DAPP1: variants seen among roughly 807,000 people sequenced by gnomAD.
The protein encoded by DAPP1 is dual adaptor of phosphotyrosine and 3-phosphoinositides 1, also known as dual adapter for phosphotyrosine and 3-phosphotyrosine and 3-phosphoinositide.
A neutral mutation model predicts 41.5 loss-of-function variants in DAPP1; 20 were observed. That is an observed-to-expected ratio of 0.48 (90% CI 0.34 to 0.70). The LOEUF (loss-of-function observed/expected upper bound fraction) is 0.70, where lower values mean the gene tolerates loss of function less well. Among genes scored for constraint, DAPP1 ranks in the 30% least tolerant of loss-of-function variants. DAPP1 has a pLI of 0.01. For missense variants in DAPP1, 233 were observed against 333.4 expected, an observed-to-expected ratio of 0.70 and a Z score of 2.35; for synonymous variants, 113 against 116.2, an observed-to-expected ratio of 0.97 and a Z score of 0.18.
At chr4:99,861,073 G>C (rs904863997) in intron 4 of DAPP1, among the ~76,000 whole-genome samples, 7 of 152,056 alleles carry the variant, frequency 4.6e-5, no homozygotes, top group Non-Finnish European at 8.8e-5. Context: ...TGTGGGGGTG[G>C]GGAGGAGGAT....
At position 99,853,352 on chromosome 4, in the gene DAPP1, A is replaced by C; in HGVS notation, c.489+4A>C. Reference sequence around the variant, plus strand: ...CCTTGTGCCCACAGCACCTTCTGTAAGTGACCTTCAACGTGACCACAAGCT... The same window carrying C: ...CCTTGTGCCCACAGCACCTTCTGTACGTGACCTTCAACGTGACCACAAGCT... On this transcript the variant is annotated splice_donor_region_variant and intron_variant, in intron 4 of 8. Transcript: ENST00000512369. 6.2e-7 allele frequency: 1 copy of C among 1,605,034 alleles called. No individual in the cohort carries two copies. The highest frequency in any genetic ancestry group is 8.5e-7 in the Non-Finnish European group (1 of 1,175,298).
At chr4:99,853,373 A>G in intron 4 of DAPP1, 25 bp downstream of exon 4, 1 of 1,593,548 alleles carries the variant, frequency 6.3e-7, no homozygotes, top group Non-Finnish European at 8.6e-7. Context: ...ACGTGACCAC[A>G]AGCTCTCTCC....
At chr4:99,857,185 CT>C (rs1191051457) in intron 4 of DAPP1, among the ~76,000 whole-genome samples, 1 of 151,992 alleles carries the variant, frequency 6.6e-6, no homozygotes, top group African/African-American at 2.4e-5. Context: ...AATTCTTTAC[CT>C]TCTGAGCTTG....
intron 8 of DAPP1, 24 bp from the exon 9 acceptor site, chr4:99,868,093 A>ACT (rs1324993129): frequency 1.3e-6 from 2 of 1,594,936 alleles, no homozygotes; most frequent in African/African-American, 2.7e-5. Context: ...AATAATGGAT[A>ACT]CACGTGTGTG....
At chr4:99,819,951 A>T (rs1159204099) in intron 1 of DAPP1, among the ~76,000 whole-genome samples, 1 of 152,202 alleles carries the variant, frequency 6.6e-6, no homozygotes. Flanking sequence ...ATTTTCTAAA[A>T]TACCTAAATC....
chr4:99,831,581 A>C (rs1345170361), intron 1 of DAPP1, among the ~76,000 whole-genome samples: 1 of 152,074 alleles, frequency 6.6e-6, no homozygotes, highest in Non-Finnish European at 1.5e-5. Flanking sequence ...TGCAGTGAAC[A>C]CCCTTGTTCA....
At chr4:99,848,861 C>T (rs1723760384) in intron 3 of DAPP1, among the ~76,000 whole-genome samples, 1 of 152,094 alleles carries the variant, frequency 6.6e-6, no homozygotes. Flanking sequence ...GTCAGGTATT[C>T]GAGGGCCGGG....
chr4:99,867,572 T>C (rs891212600), intron 8 of DAPP1, among the ~76,000 whole-genome samples: 12 of 152,290 alleles, frequency 7.9e-5, no homozygotes, highest in Middle Eastern at 3.4e-3. Context: ...CTTTGAAAAA[T>C]TGCTTGGCAG....
In DAPP1 at chr4:99,868,227, G is replaced by T. The variant is rs1419742582; in HGVS notation, c.*42G>T. On this transcript the variant is annotated 3_prime_UTR_variant, in exon 9 of 9. Transcript: ENST00000512369. ...AATGCTCTGGCCCAGGAGCAAGGTG[G>T]AATGTTTCCCTGACGCTGTGATCTG... 2.6e-6 allele frequency: 4 copies of T among 1,542,356 alleles called. No individual in the cohort carries two copies. Among genetic ancestry groups the T allele is most frequent in the Non-Finnish European group, 3.6e-6 (4 of 1,114,924 alleles).
chr4:99,818,434 A>T (rs755244462), intron 1 of DAPP1, among the ~76,000 whole-genome samples: 4 of 152,184 alleles, frequency 2.6e-5, no homozygotes, highest in Non-Finnish European at 4.4e-5. Flanking sequence ...ACCCCAAAGG[A>T]GGAGATAGAG....
At chr4:99,818,698 A>G (rs1332382507) in intron 1 of DAPP1, among the ~76,000 whole-genome samples, 3 of 152,110 alleles carry the variant, frequency 2.0e-5, no homozygotes, top group Admixed American at 6.6e-5. Flanking sequence ...CAAAAAAAAA[A>G]GGGTACATTC....
chr4:99,826,930 T>C (rs186195906), intron 1 of DAPP1, among the ~76,000 whole-genome samples: 7 of 152,356 alleles, frequency 4.6e-5, no homozygotes, highest in Non-Finnish European at 1.5e-5. Flanking sequence ...GATTCTTCTA[T>C]GTTAACCTGC....
At chr4:99,850,419 A>G (rs1299952495) in intron 3 of DAPP1, among the ~76,000 whole-genome samples, 2 of 152,174 alleles carry the variant, frequency 1.3e-5, no homozygotes, top group Admixed American at 6.5e-5. Context: ...CAAAAAAAAA[A>G]AATTAACACA....
chr4:99,860,885 AC>A lies in DAPP1; in HGVS notation c.490-690del, dbSNP rs546863019. 3.0e-4 allele frequency among the ~76,000 whole-genome samples: 45 copies of A among 152,232 alleles called. No individual in the cohort carries two copies. In the East Asian group the frequency reaches 8.5e-3, roughly 29 times the overall value. On this transcript the variant is annotated intron_variant, in intron 4 of 8. Coordinates refer to ENST00000512369, the MANE Select transcript of DAPP1 (RefSeq NM_014395.3). ...CAAATTTCTGTTCACACAATTCTCC[AC>A]CCTTATATTTCGTAGGTGTTAGCTA... is the stretch of plus-strand genomic sequence containing the variant.
chr4:99,818,426 C>T (rs932358904), intron 1 of DAPP1, among the ~76,000 whole-genome samples: 3 of 152,060 alleles, frequency 2.0e-5, no homozygotes, highest in African/African-American at 7.2e-5. Flanking sequence ...AATAGAAAAC[C>T]CCAAAGGAGG....
At chr4:99,824,138 A>C (rs17029525) in intron 1 of DAPP1, among the ~76,000 whole-genome samples, 1 of 152,214 alleles carries the variant, frequency 6.6e-6, no homozygotes, top group African/African-American at 2.4e-5. Flanking sequence ...TGCAGATGTC[A>C]GTCCTGAGGT....
chr4:99,868,060 G>C, intron 8 of DAPP1, 57 bp from the exon 9 acceptor site: 1 of 1,436,706 alleles, frequency 7.0e-7, no homozygotes, highest in Non-Finnish European at 9.8e-7. Flanking sequence ...TTTGTTAGAA[G>C]CCAGGGTTCA....
At chr4:99,819,363 C>T (rs1157862577) in intron 1 of DAPP1, among the ~76,000 whole-genome samples, 2 of 152,180 alleles carry the variant, frequency 1.3e-5, no homozygotes, top group Non-Finnish European at 2.9e-5. Context: ...GGTATAAATA[C>T]TCCCACTATA....
At chr4:99,842,628 TCA>T (rs1723531099) in intron 3 of DAPP1, among the ~76,000 whole-genome samples, 1 of 152,236 alleles carries the variant, frequency 6.6e-6, no homozygotes, top group Non-Finnish European at 1.5e-5. Context: ...GATAATGTGC[TCA>T]AGTCATGATG....
Sources: gnomAD v4.1 joint callset for allele counts (sites outside exome capture counted in the v4.1 genomes callset) on GRCh38, gnomAD v4.1.1 for gene constraint, MANE v1.5 for transcripts, NCBI Gene and HGNC (gene_info 2026-07-23, HGNC 2026-07-21) for gene names.